Variants in ZFYVE28 observed in about 807,000 individuals in gnomAD.
ZFYVE28 encodes zinc finger FYVE-type containing 28.
ZFYVE28 carries 40 observed loss-of-function variants against 82.1 expected under a neutral mutation model. The ratio of observed to expected loss-of-function variants is 0.49; its 90% CI spans 0.38 to 0.63. The LOEUF (loss-of-function observed/expected upper bound fraction) is 0.63. Among genes scored for constraint, ZFYVE28 ranks in the 30% least tolerant of loss-of-function variants. The pLI, the probability that ZFYVE28 is intolerant of heterozygous loss-of-function variation, is 0.00. For synonymous variants in ZFYVE28, 612 were observed against 546.1 expected (o/e 1.12, Z -1.68); for missense variants, 1,321 against 1,242.1 (o/e 1.06, Z -0.96).
chr4:2,385,282 G>A (rs781057729), intron 1 of ZFYVE28, among the ~76,000 whole-genome samples: 10 of 152,318 alleles, frequency 6.6e-5, no homozygotes, highest in Admixed American at 4.6e-4. Flanking sequence ...GTAAGGGAGT[G>A]GGCCAAGAAC....
chr4:2,349,771 G>A (rs944372333), intron 2 of ZFYVE28, among the ~76,000 whole-genome samples: 1 of 151,630 alleles, frequency 6.6e-6, no homozygotes, highest in Non-Finnish European at 1.5e-5. Flanking sequence ...AAAATAACAT[G>A]ATAATCTCCG....
chr4:2,413,935 G>A (rs897024033), intron 1 of ZFYVE28, among the ~76,000 whole-genome samples: 2 of 152,172 alleles, frequency 1.3e-5, no homozygotes, highest in African/African-American at 4.8e-5. Flanking sequence ...GGGGATCTCT[G>A]TCATCGCCCC....
At chr4:2,333,576 C>A (rs1721079024) in intron 6 of ZFYVE28, among the ~76,000 whole-genome samples, 1 of 152,088 alleles carries the variant, frequency 6.6e-6, no homozygotes, top group South Asian at 2.1e-4. Context: ...ACACTCCAGG[C>A]CCGACCTTTA....
At position 2,300,115 on chromosome 4, in the gene ZFYVE28, C is replaced by T. The variant is rs1372187044; in HGVS notation, c.2051+4174G>A. On this transcript the variant is annotated intron_variant, in intron 8 of 12. Coordinates refer to ENST00000290974, the MANE Select transcript of ZFYVE28 (RefSeq NM_020972.3). This position sits in a 1 kb window ranked among gnomAD's most constrained non-coding sequence, Gnocchi z 4.6. ...CCCAGACTTTCCTTCTTATGTTTTC[C>T]AAAGTTTCTACAATGAACAGGGACC... 6.6e-6 allele frequency among the ~76,000 whole-genome samples: 1 copy of T among 152,182 alleles called. No individual in the cohort carries two copies. The highest frequency in any genetic ancestry group is 2.4e-5 in the African/African-American group (1 of 41,436).
At chr4:2,326,826 G>A (rs1202362014) in intron 6 of ZFYVE28, among the ~76,000 whole-genome samples, 3 of 151,798 alleles carry the variant, frequency 2.0e-5, no homozygotes, top group East Asian at 1.9e-4. Context: ...TTCTTTTTTC[G>A]GATAGTGTAT....
intron 6 of ZFYVE28, among the ~76,000 whole-genome samples, chr4:2,327,251 A>AATAT (rs67940269): frequency 8.0e-5 from 7 of 87,326 alleles, no homozygotes; most frequent in East Asian, 5.0e-4. Flanking sequence ...CTCCATCTCA[A>AATAT]ATATATATAT....
chr4:2,321,024 C>T (rs1471421772), intron 6 of ZFYVE28, among the ~76,000 whole-genome samples: 1 of 152,126 alleles, frequency 6.6e-6, no homozygotes, highest in African/African-American at 2.4e-5. Context: ...CTTGATCATC[C>T]ATGTCTCAGC....
intron 8 of ZFYVE28, among the ~76,000 whole-genome samples, chr4:2,301,945 G>A (rs529558570): frequency 2.2e-4 from 34 of 152,326 alleles, no homozygotes; most frequent in African/African-American, 7.5e-4. Flanking sequence ...TCTGTGACAG[G>A]AAAAGCCTGG....
chr4:2,274,941 C>A lies in ZFYVE28; in HGVS notation c.2052-725G>T, dbSNP rs73085117. Reference sequence around the variant, plus strand: ...GTTCTGCCAGAGTTTGCACTTCGGGCCTCCGACTGCGAGACAGTTTCCAGG... The same window carrying A: ...GTTCTGCCAGAGTTTGCACTTCGGGACTCCGACTGCGAGACAGTTTCCAGG... On this transcript the variant is annotated intron_variant, in intron 8 of 12. Transcript: ENST00000290974. 8.5e-3 allele frequency among the ~76,000 whole-genome samples: 1,179 copies of A among 137,948 alleles called. 6 individuals are homozygous for A. Among genetic ancestry groups the A allele is most frequent in the African/African-American group, 0.038 (1,115 of 28,978 alleles). 90.5% of individuals were successfully genotyped at this position (137,948 alleles called of 152,430 possible).
rs531719178 is a variant in ZFYVE28 at position 2,335,900 on chromosome 4, C to T, written c.612-106G>A. 7.9e-5 allele frequency: 70 copies of T among 888,966 alleles called. No individual in the cohort carries two copies. Among genetic ancestry groups the T allele is most frequent in the South Asian group, 6.2e-4 (43 of 68,846 alleles). The allele number at this position is 888,966 out of a possible 1,614,324, so 55.1% of individuals were successfully genotyped here. Reference sequence around the variant, plus strand: ...TGCGCTCAATCTGTACCTGCAGCCACGCGTGGTGGCCACGTCAAGAGGTGA... The same window carrying T: ...TGCGCTCAATCTGTACCTGCAGCCATGCGTGGTGGCCACGTCAAGAGGTGA... On this transcript the variant is annotated intron_variant, in intron 5 of 12. Transcript: ENST00000290974. The surrounding 1 kb of genome is among the most constrained non-coding windows in gnomAD (Gnocchi z 5.8).
At chr4:2,331,370 G>A (rs1023955351) in intron 6 of ZFYVE28, among the ~76,000 whole-genome samples, 1 of 151,976 alleles carries the variant, frequency 6.6e-6, no homozygotes, top group South Asian at 2.1e-4. Flanking sequence ...GGCTGGGCAC[G>A]GTACCTCATG....
At position 2,304,232 on chromosome 4, in the gene ZFYVE28, A is replaced by C. The variant is rs1716119768; in HGVS notation, c.2051+57T>G. On this transcript the variant is annotated intron_variant, in intron 8 of 12. Coordinates refer to ENST00000290974, the MANE Select transcript of ZFYVE28 (RefSeq NM_020972.3). Reference sequence around the variant, plus strand: ...TGCAATGCTTGGAGAATGCGCCAGCACCTGCCCCCCAGTGCAGAGAGGACA... The same window carrying C: ...TGCAATGCTTGGAGAATGCGCCAGCCCCTGCCCCCCAGTGCAGAGAGGACA... 9 of 1,500,600 alleles carry C rather than the reference A, an allele frequency of 6.0e-6. No individual in the cohort carries two copies. In the South Asian group the frequency reaches 9.3e-5, roughly 16 times the overall value. The allele number at this position is 1,500,600 out of a possible 1,614,324, so 93.0% of individuals were successfully genotyped here. A position where few individuals can be genotyped will look rare whatever the true frequency, so the allele number is the denominator to read the frequency against.
In ZFYVE28 at chr4:2,304,324, CGA is replaced by C; in HGVS notation, c.2014_2015del (p.Ser672GlyfsTer67). The C allele has an allele frequency of 6.2e-7, 1 of 1,600,882 alleles. No individual in the cohort carries two copies. The stretch of plus-strand genomic sequence containing the variant: ...ACAGGGCCTGAGGCGCCTCGTGAGC[CGA>C]GGGGCTCCCAGCATGCAGCTCTCTG... ...EARELHAGSPSAHEAPQALSG... is the reference protein window; with the variant it reads ...EARELHAGSPXAHEAPQALSG... On this transcript the variant is annotated frameshift_variant, in exon 8 of 13. Coordinates refer to ENST00000290974, the MANE Select transcript of ZFYVE28 (RefSeq NM_020972.3). LOFTEE classifies it high-confidence loss of function.
intron 2 of ZFYVE28, among the ~76,000 whole-genome samples, chr4:2,349,569 C>G (rs902994006): frequency 6.6e-6 from 1 of 152,016 alleles, no homozygotes; most frequent in African/African-American, 2.4e-5. Context: ...CAAGCGTTCC[C>G]TGTTTCAATG....
chr4:2,291,268 G>A (rs1713640872), intron 8 of ZFYVE28, among the ~76,000 whole-genome samples: 2 of 152,192 alleles, frequency 1.3e-5, no homozygotes, highest in South Asian at 4.1e-4. Context: ...GAAGGTGGGA[G>A]GAGATGCTTG....
At chr4:2,329,208 G>C (rs746719874) in intron 6 of ZFYVE28, 1 of 633,186 alleles carries the variant, frequency 1.6e-6, no homozygotes, top group Non-Finnish European at 2.9e-6. Flanking sequence ...TCACTTTATG[G>C]AGTATTGCCA....
intron 1 of ZFYVE28, among the ~76,000 whole-genome samples, chr4:2,368,211 C>CGAAAAAAA (rs1727093982): frequency 1.2e-5 from 1 of 86,158 alleles, no homozygotes; most frequent in Non-Finnish European, 2.2e-5. Context: ...CACATCTCTA[C>CGAAAAAAA]AAAAAAAAAA....
intron 1 of ZFYVE28, among the ~76,000 whole-genome samples, chr4:2,386,227 G>A (rs1222096047): frequency 2.0e-5 from 3 of 152,122 alleles, no homozygotes; most frequent in Non-Finnish European, 2.9e-5. Flanking sequence ...GCTCATGTCT[G>A]TAATCCCAGC....
chr4:2,329,089 G>T, intron 6 of ZFYVE28: 1 of 694,338 alleles, frequency 1.4e-6, no homozygotes, highest in Non-Finnish European at 2.6e-6. Context: ...TATTGTTTTG[G>T]CTATTTAGGG....
Sources: allele counts gnomAD v4.1 joint callset (sites outside exome capture counted in the v4.1 genomes callset), GRCh38; gene constraint gnomAD v4.1.1; non-coding constraint Gnocchi (gnomAD v3.1); transcripts MANE v1.5; gene names NCBI Gene and HGNC (gene_info 2026-07-23, HGNC 2026-07-21).